CD8A: variants seen among roughly 807,000 people sequenced by gnomAD.
The protein encoded by CD8A is T-cell surface glycoprotein CD8 alpha chain.
A neutral mutation model predicts 24.2 loss-of-function variants in CD8A; 25 were observed. That is an observed-to-expected ratio of 1.03 (90% confidence interval 0.75 to 1.44). The LOEUF (loss-of-function observed/expected upper bound fraction) is 1.44. Ranked by LOEUF, CD8A falls within the 40% of genes most tolerant of loss-of-function variation. The pLI is 0.00. For synonymous variants in CD8A, 165 were observed against 149.9 expected (o/e 1.10, Z -0.74); for missense variants, 360 against 319.7 (o/e 1.13, Z -0.96).
upstream of CD8A, among the ~76,000 whole-genome samples, chr2:86,792,305 C>T (rs1422956256): frequency 2.6e-5 from 4 of 152,150 alleles, no homozygotes; most frequent in African/African-American, 9.7e-5. Context: ...AGAGACAAGA[C>T]ACCTGGCATT....
upstream of CD8A, chr2:86,791,143 A>C: frequency 1.6e-6 from 1 of 613,566 alleles, no homozygotes; most frequent in Non-Finnish European, 3.0e-6. Context: ...GTCCTTGGAA[A>C]TGGTTGTCTT....
chr2:86,792,375 T>G (rs1308816344), upstream of CD8A, among the ~76,000 whole-genome samples: 1 of 152,208 alleles, frequency 6.6e-6, no homozygotes, highest in Admixed American at 6.5e-5. Flanking sequence ...ATGCCGAGAC[T>G]TCATGATGTG....
chr2:86,789,537 A>C, intron 3 of CD8A, 103 bp downstream of exon 3: 11 of 1,333,742 alleles, frequency 8.2e-6, no homozygotes, highest in Non-Finnish European at 1.1e-5. Flanking sequence ...GTTTCCCACC[A>C]CTTGGACAGC....
intron 2 of CD8A, among the ~76,000 whole-genome samples, chr2:86,805,022 C>T (rs912578308): frequency 1.3e-4 from 19 of 151,836 alleles, no homozygotes; most frequent in Non-Finnish European, 2.4e-4. Flanking sequence ...AGACTGGTCT[C>T]GAACTCCTGA....
At chr2:86,791,407 C>T (rs971340245), upstream of CD8A, 19 of 418,780 alleles carry the variant, frequency 4.5e-5, no homozygotes, top group Non-Finnish European at 8.6e-5. Flanking sequence ...TCCCTTCCCC[C>T]AGGAGATTTC....
At position 86,789,334 on chromosome 2, in the gene CD8A, T is replaced by C. The variant is rs1354270726; in HGVS notation, c.614A>G (p.Tyr205Cys). 6.2e-7 allele frequency: 1 copy of C among 1,606,042 alleles called. No individual in the cohort carries two copies. Among genetic ancestry groups the C allele is most frequent in the East Asian group, 2.2e-5 (1 of 44,824 alleles). ...TCCTCGGGACTTACTGTGGTTGCAG[T>C]AAAGGGTGATAACCAGTGACAGGAG... is the stretch of plus-strand genomic sequence containing the variant. The part of the protein sequence containing the change: ...VLLLSLVITL[Y>C]CNHRNRRRVC... Residue 205 changes from tyrosine (Y) to cysteine (C), a missense_variant, in exon 4 of 6, where the codon TAC (tyrosine) becomes TGC (cysteine). Transcript: ENST00000283635.
intron 5 of CD8A, 119 bp downstream of exon 5, chr2:86,788,411 C>A: frequency 1.2e-6 from 1 of 814,674 alleles, no homozygotes; most frequent in Non-Finnish European, 2.1e-6. Flanking sequence ...CTCCCTGCCC[C>A]AGGATTTCAC....
At chr2:86,796,218 G>A (rs1673478312) in intron 3 of CD8A, among the ~76,000 whole-genome samples, 1 of 152,196 alleles carries the variant, frequency 6.6e-6, no homozygotes, top group South Asian at 2.1e-4. Flanking sequence ...AAAAGCTGTT[G>A]AGATGTATAT....
At chr2:86,789,494 C>T in intron 3 of CD8A, 61 bp from the exon 4 acceptor site, 2 of 1,423,332 alleles carry the variant, frequency 1.4e-6, no homozygotes, top group Non-Finnish European at 9.9e-7. Flanking sequence ...ACCGCCCCAC[C>T]GTCCCGGGAA....
In CD8A at chr2:86,789,695, C is replaced by T; in HGVS notation, c.459G>A (p.Ala153=). Residue 153 remains alanine, a synonymous_variant, in exon 3 of 6, where the codon GCG becomes GCA. Coordinates refer to ENST00000283635, the MANE Select transcript of CD8A (RefSeq NM_001768.7). ...PRPPTPAPTI[A]SQPLSLRPEA... Reference sequence around the variant, plus strand: ...CTGGGCGCAGGGACAGGGGCTGCGACGCGATGGTGGGCGCCGGTGTTGGTG... The same window carrying T: ...CTGGGCGCAGGGACAGGGGCTGCGATGCGATGGTGGGCGCCGGTGTTGGTG... 1 of 1,409,648 alleles carries T rather than the reference C, an allele frequency of 7.1e-7. No homozygotes were observed. Among genetic ancestry groups the T allele is most frequent in the Non-Finnish European group, 9.2e-7 (1 of 1,087,422 alleles). The allele number at this position is 1,409,648 out of a possible 1,614,324, so 87.3% of individuals were successfully genotyped here.
At chr2:86,802,021 C>G (rs941720461) in intron 2 of CD8A, among the ~76,000 whole-genome samples, 4 of 152,038 alleles carry the variant, frequency 2.6e-5, no homozygotes, top group Non-Finnish European at 2.9e-5. Context: ...TTTCCCCTAA[C>G]AAAGGTTACT....
chr2:86,785,027 A>G lies in CD8A; in HGVS notation c.*893T>C, dbSNP rs1672936389. The G allele has an allele frequency of 2.2e-6, 1 of 453,980 alleles. No individual in the cohort carries two copies. Among genetic ancestry groups the G allele is most frequent in the African/African-American group, 2.0e-5 (1 of 49,988 alleles). 28.1% of individuals were successfully genotyped at this position (453,980 alleles called of 1,614,324 possible). ...AAAAGTCATCAGTGATCCCAGGAAC[A>G]TGTTTGTATCTCAAATTCAGAGATT... On this transcript the variant is annotated 3_prime_UTR_variant, in exon 6 of 6. Coordinates refer to ENST00000283635, the MANE Select transcript of CD8A (RefSeq NM_001768.7).
At chr2:86,791,463 G>A (rs1012666619), upstream of CD8A, 20 of 450,452 alleles carry the variant, frequency 4.4e-5, no homozygotes, top group African/African-American at 4.0e-4. Flanking sequence ...GTGTCAGTGC[G>A]CTGCTGACCT....
In CD8A at chr2:86,790,788, G is replaced by A. The variant is rs766551828; in HGVS notation, c.38C>T (p.Ala13Val). ...LPVTALLLPL[A>V]LLLHAARPSQ... ...CGTCTCAAACTCACGGAGCAGCAAG[G>A]CCAGCGGCAGGAGCAAGGCGGTCAC... is the stretch of plus-strand genomic sequence containing the variant. The change falls in exon 1 of 6, where the codon GCC (alanine) becomes GTC (valine). Residue 13 changes from alanine (A) to valine (V), a missense_variant. By Grantham distance (64) the Ala-to-Val change is moderately conservative. Transcript: ENST00000283635. 1 of 1,547,730 alleles carries A rather than the reference G, an allele frequency of 6.5e-7. No individual in the cohort carries two copies. Among genetic ancestry groups the A allele is most frequent in the South Asian group, 1.2e-5 (1 of 84,710 alleles).
intron 2 of CD8A, among the ~76,000 whole-genome samples, chr2:86,805,822 C>T (rs145648580): frequency 8.5e-4 from 130 of 152,226 alleles, no homozygotes; most frequent in African/African-American, 3.1e-3. Flanking sequence ...CAGAGCCCTC[C>T]TGAGTCCTGT....
chr2:86,788,604 T>A, intron 4 of CD8A, 44 bp from the exon 5 acceptor site: 1 of 1,552,266 alleles, frequency 6.4e-7, no homozygotes, highest in Non-Finnish European at 8.9e-7. Context: ...CCCCTATCCA[T>A]CAATAGTCCC....
At chr2:86,799,222 GT>G (rs1364922388) in intron 3 of CD8A, among the ~76,000 whole-genome samples, 1 of 152,180 alleles carries the variant, frequency 6.6e-6, no homozygotes, top group Non-Finnish European at 1.5e-5. Flanking sequence ...AAGTCCCTGT[GT>G]TTAGGCTTTG....
rs748675706 is a variant in CD8A, at chr2:86,789,370, C to T, written c.578G>A (p.Cys193Tyr). ...IYIWAPLAGT[C>Y]GVLLLSLVIT... Reference sequence around the variant, plus strand: ...AACCAGTGACAGGAGAAGGACCCCACAAGTCCCGGCCAAGGGCGCCCAGAT... The same window carrying T: ...AACCAGTGACAGGAGAAGGACCCCATAAGTCCCGGCCAAGGGCGCCCAGAT... The change falls in exon 4 of 6, where the codon TGT becomes TAT. Residue 193 changes from cysteine (C) to tyrosine (Y), a missense_variant. Coordinates refer to ENST00000283635, the MANE Select transcript of CD8A (RefSeq NM_001768.7). 1 of 1,613,978 alleles carries T rather than the reference C, an allele frequency of 6.2e-7. No individual in the cohort carries two copies. Among genetic ancestry groups the T allele is most frequent in the South Asian group, 1.1e-5 (1 of 91,076 alleles).
chr2:86,799,191 A>C (rs989841726), intron 3 of CD8A, among the ~76,000 whole-genome samples: 1 of 152,148 alleles, frequency 6.6e-6, no homozygotes, highest in African/African-American at 2.4e-5. Context: ...CTCTTCTCAT[A>C]AAATGGACCT....
Sources: allele counts gnomAD v4.1 joint callset (sites outside exome capture counted in the v4.1 genomes callset), GRCh38; gene constraint gnomAD v4.1.1; transcripts MANE v1.5; gene names NCBI Gene and HGNC (gene_info 2026-07-23, HGNC 2026-07-21).